TBC1D32: variants seen among roughly 807,000 people sequenced by gnomAD.
TBC1D32 encodes the protein protein broad-minded.
In TBC1D32, 151 loss-of-function variants were observed where a neutral mutation model predicts 170.3. The ratio of observed to expected loss-of-function variants is 0.89; its 90% CI spans 0.78 to 1.01. The LOEUF is 1.01. TBC1D32 is among the 50% of genes least tolerant of loss of function. The pLI is 0.00. For missense variants in TBC1D32, 1,464 were observed against 1,457.1 expected (o/e 1.00, Z -0.08); for synonymous variants, 498 against 488.0 (o/e 1.02, Z -0.27).
chr6:121,307,358 A>C (rs530305194), intron 5 of TBC1D32, among the ~76,000 whole-genome samples: 50 of 152,308 alleles, frequency 3.3e-4, no homozygotes, highest in African/African-American at 1.2e-3. Context: ...CCTGAGTGAC[A>C]GAGCAAGACC....
chr6:121,214,264 C>A (rs1404406669), intron 21 of TBC1D32, among the ~76,000 whole-genome samples: 2 of 152,200 alleles, frequency 1.3e-5, no homozygotes, highest in Non-Finnish European at 2.9e-5. Context: ...TGTTGATTCA[C>A]CAGCTGGAAA....
chr6:121,184,738 T>C (rs1788951939), intron 22 of TBC1D32, among the ~76,000 whole-genome samples: 2 of 151,892 alleles, frequency 1.3e-5, no homozygotes, highest in African/African-American at 4.8e-5. Context: ...CACAGATTTC[T>C]AGGATTTTGG....
intron 22 of TBC1D32, among the ~76,000 whole-genome samples, chr6:121,182,867 C>T (rs1325361595): frequency 6.6e-6 from 1 of 150,782 alleles, no homozygotes; most frequent in Non-Finnish European, 1.5e-5. Context: ...AACAATTATC[C>T]GTGTTAAATC....
chr6:121,253,860 T>G (rs1387869719), intron 17 of TBC1D32, among the ~76,000 whole-genome samples: 8 of 152,148 alleles, frequency 5.3e-5, no homozygotes, highest in Admixed American at 5.2e-4. Context: ...AGAACTACAA[T>G]TTGATCCAGC....
Position 121,282,770 on chromosome 6 carries a change from T to C in TBC1D32, c.1465+1048A>G, listed in dbSNP as rs531615404. On this transcript the variant is annotated intron_variant, in intron 13 of 31. Coordinates refer to ENST00000398212, the MANE Select transcript of TBC1D32 (RefSeq NM_152730.6). ...AACAGTCCACATCATGGTAAACCAATATATAAACAAGTATTTAGAACAAAG... is the reference window on the plus strand; with the variant it reads ...AACAGTCCACATCATGGTAAACCAACATATAAACAAGTATTTAGAACAAAG... Among the ~76,000 whole-genome samples, 4 of 151,922 alleles carry C rather than the reference T, an allele frequency of 2.6e-5. No individual in the cohort carries two copies. The South Asian group carries it at 8.3e-4, about 31-fold the overall frequency.
Position 121,241,539 on chromosome 6 carries a change from T to C in TBC1D32, c.2171A>G (p.Lys724Arg), listed in dbSNP as rs758167119. ...AACCAAAACTCCATAGCCAAATTTT[T>C]TATGCCTGCTGACCTAACAGCATAA... Reference protein sequence around the residue: ...YAKKLQVSRHKKFGYGVLVTR... With the variant: ...YAKKLQVSRHRKFGYGVLVTR... The change falls in exon 19 of 32, where the codon AAA (lysine) becomes AGA (arginine). Residue 724 changes from lysine (K) to arginine (R), a missense_variant. This residue lies in a region of TBC1D32 where 1,363 missense variants were observed against 1,338.1 expected (regional missense o/e 1.02). Transcript: ENST00000398212. The C allele has an allele frequency of 1.2e-6, 2 of 1,613,354 alleles. No homozygotes were observed. Among genetic ancestry groups the C allele is most frequent in the African/African-American group, 2.7e-5 (2 of 74,898 alleles).
At chr6:121,237,939 A>G (rs973453245) in intron 20 of TBC1D32, among the ~76,000 whole-genome samples, 2 of 152,044 alleles carry the variant, frequency 1.3e-5, no homozygotes, top group African/African-American at 2.4e-5. Flanking sequence ...GAGATCCTGG[A>G]TTCTATTATA....
chr6:121,287,338 G>A (rs529162645), intron 12 of TBC1D32, among the ~76,000 whole-genome samples: 52 of 152,196 alleles, frequency 3.4e-4, no homozygotes, highest in African/African-American at 1.2e-3. Context: ...ACAAAAAAAG[G>A]CAGGGGTTGC....
At chr6:121,117,484 T>G (rs1363906987) in intron 26 of TBC1D32, among the ~76,000 whole-genome samples, 1 of 152,002 alleles carries the variant, frequency 6.6e-6, no homozygotes, top group African/African-American at 2.4e-5. Flanking sequence ...GATGGATTAC[T>G]TGAGGTCATG....
intron 22 of TBC1D32, among the ~76,000 whole-genome samples, chr6:121,199,129 C>G (rs1227932334): frequency 1.3e-5 from 2 of 151,232 alleles, no homozygotes; most frequent in East Asian, 3.9e-4. Flanking sequence ...GAAAATGTGC[C>G]TATCCTTTGA....
chr6:121,306,437 G>T (rs1807331994), intron 5 of TBC1D32, among the ~76,000 whole-genome samples: 7 of 152,102 alleles, frequency 4.6e-5, no homozygotes, highest in Admixed American at 4.6e-4. Flanking sequence ...CCTGTCCATG[G>T]TGTGTTCCCA....
chr6:121,247,969 C>A (rs552657450), intron 17 of TBC1D32, among the ~76,000 whole-genome samples: 5 of 152,124 alleles, frequency 3.3e-5, no homozygotes, highest in Middle Eastern at 3.4e-3. Flanking sequence ...AACAAATGGA[C>A]TTAACAGATA....
intron 22 of TBC1D32, among the ~76,000 whole-genome samples, chr6:121,174,302 G>A (rs1295624687): frequency 2.0e-5 from 3 of 152,076 alleles, no homozygotes; most frequent in Non-Finnish European, 2.9e-5. Flanking sequence ...AGAGAAAACT[G>A]AAATAATCTA....
intron 30 of TBC1D32, among the ~76,000 whole-genome samples, chr6:121,094,523 G>A (rs1336320532): frequency 1.3e-5 from 2 of 152,052 alleles, no homozygotes; most frequent in Admixed American, 6.6e-5. Flanking sequence ...ATTCTAATAG[G>A]ACAGAAGAAA....
chr6:121,096,161 G>A (rs1195705499), intron 30 of TBC1D32: 1 of 152,048 alleles, frequency 6.6e-6, no homozygotes, highest in African/African-American at 2.4e-5. Context: ...TTAGTCTTGG[G>A]AGGGTGTATG....
chr6:121,331,734 T>G (rs1297265789), intron 1 of TBC1D32, among the ~76,000 whole-genome samples: 1 of 152,180 alleles, frequency 6.6e-6, no homozygotes. Flanking sequence ...TATGAGCACC[T>G]GAAATAACTG....
chr6:121,298,999 G>A (rs1290466702), intron 10 of TBC1D32, among the ~76,000 whole-genome samples: 1 of 151,972 alleles, frequency 6.6e-6, no homozygotes, highest in African/African-American at 2.4e-5. Context: ...ACATATTTTA[G>A]AGTATTAAGT....
chr6:121,089,100 A>G (rs1342926282), intron 31 of TBC1D32, among the ~76,000 whole-genome samples: 1 of 152,160 alleles, frequency 6.6e-6, no homozygotes, highest in African/African-American at 2.4e-5. Context: ...TTGTTATTTG[A>G]TGTGAATAAA....
At chr6:121,243,645 GCAGA>G (rs1309810756) in intron 17 of TBC1D32, among the ~76,000 whole-genome samples, 1 of 151,630 alleles carries the variant, frequency 6.6e-6, no homozygotes, top group Non-Finnish European at 1.5e-5. Context: ...GTCTTTTCAA[GCAGA>G]CAGATTTTTT....
Sources: allele counts gnomAD v4.1 joint callset (sites outside exome capture counted in the v4.1 genomes callset), GRCh38; gene constraint gnomAD v4.1.1; regional missense constraint gnomAD v4.1.1; transcripts MANE v1.5; gene names NCBI Gene and HGNC (gene_info 2026-07-23, HGNC 2026-07-21).